The following TSNARE1 variants were observed in gnomAD, a reference collection of about 807,000 sequenced individuals.
TSNARE1 encodes the protein t-SNARE domain containing 1, also known as t-SNARE domain-containing protein 1.
Under a neutral mutation model 62.0 loss-of-function variants are expected in TSNARE1, and 49 were observed. The ratio of observed to expected loss-of-function variants is 0.79; its 90% CI spans 0.63 to 1.00. The LOEUF is 1.00. Among genes scored for constraint, TSNARE1 ranks in the 50% least tolerant of loss-of-function variants. The pLI is 0.00. For missense variants in TSNARE1, 755 were observed against 700.1 expected, an observed-to-expected ratio of 1.08 and a Z score of -0.88; for synonymous variants, 328 against 294.4, an observed-to-expected ratio of 1.11 and a Z score of -1.17.
At chr8:142,305,413 G>A (rs951296030) in intron 9 of TSNARE1, among the ~76,000 whole-genome samples, 4 of 152,152 alleles carry the variant, frequency 2.6e-5, no homozygotes, top group African/African-American at 4.8e-5. Flanking sequence ...GCTGGGGTGC[G>A]GGCTGTGTGG....
chr8:142,236,951 G>A (rs182666868), intron 12 of TSNARE1, among the ~76,000 whole-genome samples: 39 of 152,332 alleles, frequency 2.6e-4, no homozygotes, highest in Admixed American at 8.5e-4. Context: ...CAGCAAAGGC[G>A]TCACTGCCAA....
chr8:142,266,993 C>T (rs1477602026), intron 12 of TSNARE1, among the ~76,000 whole-genome samples: 2 of 152,232 alleles, frequency 1.3e-5, no homozygotes, highest in African/African-American at 2.4e-5. Context: ...AAAAGCCATA[C>T]TGATATTTCA....
intron 11 of TSNARE1, among the ~76,000 whole-genome samples, chr8:142,282,641 G>A (rs1179949010): frequency 3.1e-5 from 4 of 130,268 alleles, no homozygotes; most frequent in Non-Finnish European, 6.6e-5. Context: ...GCAGAGGCGG[G>A]GCCAGTGTCT....
At chr8:142,275,084 G>C in intron 11 of TSNARE1, 1 of 985,412 alleles carries the variant, frequency 1.0e-6, no homozygotes, top group South Asian at 4.7e-5. Flanking sequence ...GGTGGCCCAG[G>C]GAAGGGGACT....
intron 12 of TSNARE1, among the ~76,000 whole-genome samples, chr8:142,241,372 A>G (rs1197230461): frequency 6.6e-6 from 1 of 152,256 alleles, no homozygotes; most frequent in Non-Finnish European, 1.5e-5. Flanking sequence ...AGACACAAAT[A>G]AATGGAAAGA....
chr8:142,324,368 C>G (rs1382968123), intron 6 of TSNARE1, among the ~76,000 whole-genome samples: 1 of 152,174 alleles, frequency 6.6e-6, no homozygotes, highest in African/African-American at 2.4e-5. Context: ...GAGGTCTGCA[C>G]AGCTGCCAGC....
chr8:142,327,732 G>A (rs1830460817), intron 6 of TSNARE1, among the ~76,000 whole-genome samples: 1 of 152,182 alleles, frequency 6.6e-6, no homozygotes, highest in Non-Finnish European at 1.5e-5. Context: ...GCCCATGAAA[G>A]AGCTGCCAAG....
intron 13 of TSNARE1, among the ~76,000 whole-genome samples, chr8:142,225,540 C>T (rs978839503): frequency 1.5e-4 from 23 of 152,180 alleles, no homozygotes; most frequent in African/African-American, 3.9e-4. Flanking sequence ...TCTGCAGTCC[C>T]GCTGCTGGCT....
At chr8:142,313,275 T>A (rs1170343887) in intron 9 of TSNARE1, among the ~76,000 whole-genome samples, 3 of 152,216 alleles carry the variant, frequency 2.0e-5, no homozygotes, top group Admixed American at 6.5e-5. Context: ...TTGGTCTGCA[T>A]GTCTGTTTAT....
intron 2 of TSNARE1, among the ~76,000 whole-genome samples, chr8:142,347,142 A>G (rs778618045): frequency 6.6e-6 from 1 of 152,212 alleles, no homozygotes; most frequent in African/African-American, 2.4e-5. Flanking sequence ...AAGCCTGCAG[A>G]AGGACGGGAG....
At chr8:142,400,405 C>A (rs144131660) in intron 1 of TSNARE1, among the ~76,000 whole-genome samples, 1 of 148,772 alleles carries the variant, frequency 6.7e-6, no homozygotes, top group African/African-American at 2.5e-5. Context: ...AAGATTGCAC[C>A]AACGCCCTCC....
At position 142,330,882 on chromosome 8, in the gene TSNARE1, C is replaced by A. The variant is rs370676520; in HGVS notation, c.893+19G>T. On this transcript the variant is annotated intron_variant, in intron 6 of 13. Coordinates refer to ENST00000524325, the MANE Select transcript of TSNARE1 (RefSeq NM_145003.5). ...TGCACCACGCCCAGGCAAAGAGATACCATGGCCCACACACTCACAGGCTGT... is the reference window on the plus strand; with the variant it reads ...TGCACCACGCCCAGGCAAAGAGATAACATGGCCCACACACTCACAGGCTGT... 1.9e-6 allele frequency: 3 copies of A among 1,613,544 alleles called. No homozygotes were observed. Among genetic ancestry groups the A allele is most frequent in the African/African-American group, 2.7e-5 (2 of 74,938 alleles).
At chr8:142,371,611 G>A (rs1010633945) in intron 1 of TSNARE1, among the ~76,000 whole-genome samples, 1 of 152,176 alleles carries the variant, frequency 6.6e-6, no homozygotes, top group African/African-American at 2.4e-5. Context: ...GAGGTATCGG[G>A]CTGTAAAGGA....
chr8:142,338,681 G>A (rs908997793), intron 4 of TSNARE1, among the ~76,000 whole-genome samples: 1 of 152,380 alleles, frequency 6.6e-6, no homozygotes, highest in South Asian at 2.1e-4. Context: ...AGTTGCCGGA[G>A]GGGATGAGCT....
chr8:142,377,302 T>C (rs906905458), intron 1 of TSNARE1, among the ~76,000 whole-genome samples: 6 of 149,532 alleles, frequency 4.0e-5, no homozygotes, highest in Non-Finnish European at 7.4e-5. Flanking sequence ...ATCTACCAAA[T>C]ACAAAAGCAA....
At chr8:142,268,234 G>C (rs1029233502) in intron 12 of TSNARE1, among the ~76,000 whole-genome samples, 1 of 152,210 alleles carries the variant, frequency 6.6e-6, no homozygotes, top group Non-Finnish European at 1.5e-5. Context: ...TGGCCTCTCG[G>C]CATCTGAGCA....
intron 4 of TSNARE1, among the ~76,000 whole-genome samples, chr8:142,340,843 C>G (rs978021288): frequency 6.6e-6 from 1 of 152,238 alleles, no homozygotes; most frequent in African/African-American, 2.4e-5. Context: ...GACTTCACAC[C>G]CCACGGATGA....
chr8:142,223,324 AC>A (rs1339899781), intron 13 of TSNARE1, among the ~76,000 whole-genome samples: 66 of 144,654 alleles, frequency 4.6e-4, no homozygotes, highest in African/African-American at 1.5e-3. Context: ...TCACTCATTC[AC>A]TCACTCGTTC....
At chr8:142,275,547 C>T (rs1275415295) in intron 11 of TSNARE1, 1 of 985,322 alleles carries the variant, frequency 1.0e-6, no homozygotes, top group African/African-American at 1.7e-5. Context: ...GTCTTCCACC[C>T]AAAGGAAGGA....
Sources: allele counts gnomAD v4.1 joint callset (sites outside exome capture counted in the v4.1 genomes callset), GRCh38; gene constraint gnomAD v4.1.1; transcripts MANE v1.5; gene names NCBI Gene and HGNC (gene_info 2026-07-23, HGNC 2026-07-21).